RNF122: variants seen among roughly 807,000 people sequenced by gnomAD.
RNF122 encodes ring finger protein 122.
A neutral mutation model predicts 24.2 loss-of-function variants in RNF122; 17 were observed. That is an observed-to-expected ratio of 0.70 (90% confidence interval 0.48 to 1.06). The LOEUF (loss-of-function observed/expected upper bound fraction) is 1.06. Ranked by LOEUF, RNF122 falls within the 50% of genes least tolerant of loss-of-function variation. The pLI is 0.00. For synonymous variants in RNF122, 65 were observed against 71.8 expected, an observed-to-expected ratio of 0.91 and a Z score of 0.48; for missense variants, 168 against 198.1, an observed-to-expected ratio of 0.85 and a Z score of 0.91.
At chr8:33,561,691 C>A (rs924616459) in intron 1 of RNF122, among the ~76,000 whole-genome samples, 1 of 152,056 alleles carries the variant, frequency 6.6e-6, no homozygotes, top group Admixed American at 6.6e-5. Flanking sequence ...TATAGGTGTA[C>A]ACCACCACGC....
At chr8:33,561,597 C>T (rs749152122) in intron 1 of RNF122, among the ~76,000 whole-genome samples, 2 of 151,816 alleles carry the variant, frequency 1.3e-5, no homozygotes, top group Non-Finnish European at 2.9e-5. Flanking sequence ...GGCTAGAGTG[C>T]AGTGGCACTA....
intron 1 of RNF122, among the ~76,000 whole-genome samples, chr8:33,564,348 G>C (rs1468746583): frequency 6.6e-6 from 1 of 152,052 alleles, no homozygotes; most frequent in Admixed American, 6.6e-5. Flanking sequence ...AGGAGTTCAA[G>C]ACCAGCATAG....
chr8:33,555,598 G>A (rs1017887506), intron 2 of RNF122, among the ~76,000 whole-genome samples: 2 of 152,186 alleles, frequency 1.3e-5, no homozygotes, highest in African/African-American at 4.8e-5. Context: ...GACCTGCAAG[G>A]GGGTGGTTGT....
rs754837343 is a variant in RNF122 at position 33,548,788 on chromosome 8, G to T, written c.433C>A (p.Gln145Lys). Reference sequence around the variant, plus strand: ...TCATCCAATAGAATCCCAATGTTCTGCGTGGCCTCTGAGGGACTAGCAATG... The same window carrying T: ...TCATCCAATAGAATCCCAATGTTCTTCGTGGCCTCTGAGGGACTAGCAATG... ...KPIASPSEATQNIGILLDELV is the reference protein window; with the variant it reads ...KPIASPSEATKNIGILLDELV The change falls in exon 6 of 6, where the codon CAG (glutamine) becomes AAG (lysine). Residue 145 changes from glutamine to lysine, a missense_variant. Physicochemically the swap from Gln to Lys is moderately conservative, Grantham distance 53. Transcript: ENST00000256257. 6.2e-7 allele frequency: 1 copy of T among 1,613,868 alleles called. No individual in the cohort carries two copies. The highest frequency in any genetic ancestry group is 1.1e-5 in the South Asian group (1 of 91,072).
At chr8:33,557,271 T>A (rs1303829230) in intron 2 of RNF122, among the ~76,000 whole-genome samples, 1 of 152,076 alleles carries the variant, frequency 6.6e-6, no homozygotes, top group East Asian at 1.9e-4. Context: ...TAAACCCCAG[T>A]CAGAAACACT....
intron 1 of RNF122, among the ~76,000 whole-genome samples, chr8:33,559,188 C>G (rs1810503333): frequency 6.6e-6 from 1 of 152,014 alleles, no homozygotes; most frequent in South Asian, 2.1e-4. Flanking sequence ...ACCATGTAGT[C>G]CCAGCTACTC....
chr8:33,555,097 A>C (rs1483456420), intron 2 of RNF122, among the ~76,000 whole-genome samples: 1 of 152,216 alleles, frequency 6.6e-6, no homozygotes, highest in Non-Finnish European at 1.5e-5. Flanking sequence ...CAGGGTGACG[A>C]AGGAGATTAC....
At chr8:33,559,406 ATAT>A (rs1810506441) in intron 1 of RNF122, among the ~76,000 whole-genome samples, 1 of 151,998 alleles carries the variant, frequency 6.6e-6, no homozygotes. Flanking sequence ...AGCTGAGAAA[ATAT>A]TATTTGGGTT....
At position 33,551,464 on chromosome 8, in the gene RNF122, C is replaced by T. The variant is rs549923879; in HGVS notation, c.183-75G>A. ...CAAAGCAGGAGAGGCTGGCTGGCTG[C>T]TTGGGCATTCTTCCGAGGGCAGGGA... On this transcript the variant is annotated intron_variant, in intron 2 of 5. Transcript: ENST00000256257. The T allele has an allele frequency of 3.3e-6, 5 of 1,498,366 alleles. No individual in the cohort carries two copies. In the South Asian group the frequency reaches 4.5e-5, roughly 14 times the overall value. The allele number at this position is 1,498,366 out of a possible 1,614,324, so 92.8% of individuals were successfully genotyped here. A position where few individuals can be genotyped will look rare whatever the true frequency, so the allele number is the denominator to read the frequency against.
At chr8:33,552,275 T>C (rs1810387140) in intron 2 of RNF122, among the ~76,000 whole-genome samples, 1 of 152,134 alleles carries the variant, frequency 6.6e-6, no homozygotes, top group Non-Finnish European at 1.5e-5. Flanking sequence ...GGTGCATGCC[T>C]GTAATCCTAG....
At chr8:33,562,452 G>C (rs1177402884) in intron 1 of RNF122, among the ~76,000 whole-genome samples, 1 of 149,902 alleles carries the variant, frequency 6.7e-6, no homozygotes, top group Non-Finnish European at 1.5e-5. Flanking sequence ...TGAGATGGGA[G>C]AATCACTTGA....
rs182945524 is a variant in RNF122, at chr8:33,558,870, C to A, written c.26-99G>T. The A allele has an allele frequency of 8.7e-5, 78 of 899,392 alleles. No individual in the cohort carries two copies. The Admixed American group carries it at 2.2e-3, about 25-fold the overall frequency. The allele number at this position is 899,392 out of a possible 1,614,324, so 55.7% of individuals were successfully genotyped here. On this transcript the variant is annotated intron_variant, in intron 1 of 5. Coordinates refer to ENST00000256257, the MANE Select transcript of RNF122 (RefSeq NM_024787.3). ...ATAGAAATAACTGGCAGGCTCTGGG[C>A]ACCTAAGCCTCAGATTCAGTGGCTC...
At chr8:33,553,434 G>A (rs1266844611) in intron 2 of RNF122, among the ~76,000 whole-genome samples, 2 of 152,094 alleles carry the variant, frequency 1.3e-5, no homozygotes, top group Admixed American at 1.3e-4. Context: ...CAGGTATGAT[G>A]GTGCATGTCT....
At chr8:33,555,093 G>A (rs907049486) in intron 2 of RNF122, among the ~76,000 whole-genome samples, 3 of 152,244 alleles carry the variant, frequency 2.0e-5, no homozygotes, top group African/African-American at 4.8e-5. Flanking sequence ...AGGGCAGGGT[G>A]ACGAAGGAGA....
At chr8:33,553,128 G>A (rs900321223) in intron 2 of RNF122, among the ~76,000 whole-genome samples, 2 of 150,052 alleles carry the variant, frequency 1.3e-5, no homozygotes, top group Non-Finnish European at 3.0e-5. Flanking sequence ...GGAACCTTAT[G>A]GAGCTTTTCC....
Position 33,563,963 on chromosome 8 carries a change from T to G in RNF122, c.25+2736A>C, listed in dbSNP as rs545842944. Among the ~76,000 whole-genome samples the G allele has an allele frequency of 4.6e-5, 7 of 152,248 alleles. No individual in the cohort carries two copies. In the East Asian group the frequency reaches 1.2e-3, roughly 25 times the overall value. On this transcript the variant is annotated intron_variant, in intron 1 of 5. Coordinates refer to ENST00000256257, the MANE Select transcript of RNF122 (RefSeq NM_024787.3). ...TCCTGCCTGATAAAGGCTTCCCCTTTATCTCCCACTGATTGAATCAGTGAG... is the reference window on the plus strand; with the variant it reads ...TCCTGCCTGATAAAGGCTTCCCCTTGATCTCCCACTGATTGAATCAGTGAG...
intron 2 of RNF122, among the ~76,000 whole-genome samples, chr8:33,554,336 A>G (rs1349283602): frequency 1.3e-5 from 2 of 152,322 alleles, no homozygotes; most frequent in East Asian, 1.9e-4. Flanking sequence ...CTCACCTGCA[A>G]TGTGGCTATA....
chr8:33,563,194 C>T lies in RNF122; in HGVS notation c.25+3505G>A, dbSNP rs994148142. ...CTTTTGTATATTCTCCAGTGTCCGG[C>T]CTAGCCTAGAGTTTGGCTTGTTCTC... On this transcript the variant is annotated intron_variant, in intron 1 of 5. Coordinates refer to ENST00000256257, the MANE Select transcript of RNF122 (RefSeq NM_024787.3). 2.0e-5 allele frequency among the ~76,000 whole-genome samples: 3 copies of T among 151,922 alleles called. No homozygotes were observed. The East Asian group carries it at 5.8e-4, about 29-fold the overall frequency.
In RNF122 at chr8:33,566,756, C is replaced by A; in HGVS notation, c.-33G>T. 6.3e-7 allele frequency: 1 copy of A among 1,595,882 alleles called. No homozygotes were observed. The highest frequency in any genetic ancestry group is 8.5e-7 in the Non-Finnish European group (1 of 1,172,322). On this transcript the variant is annotated 5_prime_UTR_variant, in exon 1 of 6. Coordinates refer to ENST00000256257, the MANE Select transcript of RNF122 (RefSeq NM_024787.3). ...GTCGCGGTTGGCTTCCTCGGGCGAA[C>A]GGACGCAGGCGGGGTGCCAGGAGGG...
Sources: allele counts gnomAD v4.1 joint callset (sites outside exome capture counted in the v4.1 genomes callset), GRCh38; gene constraint gnomAD v4.1.1; transcripts MANE v1.5; gene names NCBI Gene and HGNC (gene_info 2026-07-23, HGNC 2026-07-21).